Variants in CRPPA observed in about 807,000 individuals in gnomAD.
CRPPA encodes D-ribitol-5-phosphate cytidylyltransferase.
A neutral mutation model predicts 52.0 loss-of-function variants in CRPPA; 43 were observed. That is an observed-to-expected ratio of 0.83 (90% CI 0.65 to 1.07). CRPPA has a LOEUF of 1.07. CRPPA is among the 50% of genes least tolerant of loss of function. The pLI is 0.00. For synonymous variants in CRPPA, 250 were observed against 203.5 expected, an observed-to-expected ratio of 1.23 and a Z score of -1.94; for missense variants, 629 against 551.7, an observed-to-expected ratio of 1.14 and a Z score of -1.40.
chr7:16,137,248 T>G (rs1425265952), intron 9 of CRPPA, among the ~76,000 whole-genome samples: 2 of 152,236 alleles, frequency 1.3e-5, no homozygotes, highest in African/African-American at 4.8e-5. Flanking sequence ...CAGGAGCCAC[T>G]GTCTATGAAC....
At chr7:16,123,009 A>C (rs1782507634) in intron 9 of CRPPA, among the ~76,000 whole-genome samples, 2 of 152,070 alleles carry the variant, frequency 1.3e-5, no homozygotes. Context: ...GATTTGTTTA[A>C]AAGAATAGTA....
chr7:16,302,087 G>C (rs972997525), intron 4 of CRPPA, among the ~76,000 whole-genome samples: 3 of 152,064 alleles, frequency 2.0e-5, no homozygotes, highest in African/African-American at 7.2e-5. Flanking sequence ...ACGAGGTCAG[G>C]AGATCGAGAC....
intron 9 of CRPPA, among the ~76,000 whole-genome samples, chr7:16,158,436 T>G (rs890912257): frequency 2.0e-5 from 3 of 152,156 alleles, no homozygotes; most frequent in African/African-American, 7.2e-5. Context: ...CTAAATGGAA[T>G]ACAGTTACTT....
chr7:16,188,287 A>G (rs979275645), intron 9 of CRPPA, among the ~76,000 whole-genome samples: 1 of 152,058 alleles, frequency 6.6e-6, no homozygotes, highest in Non-Finnish European at 1.5e-5. Context: ...ACTTTGTCCT[A>G]TTTTATAGTC....
intron 8 of CRPPA, among the ~76,000 whole-genome samples, chr7:16,247,031 A>G (rs775087889): frequency 3.3e-5 from 5 of 152,250 alleles, no homozygotes; most frequent in Non-Finnish European, 7.3e-5. Context: ...TCTCATCTAC[A>G]TTGAAAAATC....
intron 8 of CRPPA, among the ~76,000 whole-genome samples, chr7:16,234,482 G>T (rs947294174): frequency 1.3e-5 from 2 of 152,014 alleles, no homozygotes; most frequent in Admixed American, 6.6e-5. Flanking sequence ...TTTTTTAATT[G>T]AATTCTACTA....
intron 3 of CRPPA, among the ~76,000 whole-genome samples, chr7:16,373,396 G>T (rs1007800764): frequency 2.0e-5 from 3 of 152,328 alleles, no homozygotes; most frequent in East Asian, 3.9e-4. Flanking sequence ...ACATTTATAT[G>T]CACAGCCTTT....
intron 5 of CRPPA, among the ~76,000 whole-genome samples, chr7:16,285,516 TAATG>T (rs924109413): frequency 6.6e-6 from 1 of 152,180 alleles, no homozygotes; most frequent in African/African-American, 2.4e-5. Flanking sequence ...CTCTGATTTA[TAATG>T]AATAACTCTT....
At chr7:16,400,344 G>A (rs529715973) in intron 2 of CRPPA, among the ~76,000 whole-genome samples, 1 of 152,300 alleles carries the variant, frequency 6.6e-6, no homozygotes, top group African/African-American at 2.4e-5. Flanking sequence ...ACACGTGATT[G>A]ACATGATTGA....
At chr7:16,395,215 T>TCAAA (rs1201685027) in intron 2 of CRPPA, among the ~76,000 whole-genome samples, 2 of 152,176 alleles carry the variant, frequency 1.3e-5, no homozygotes, top group African/African-American at 4.8e-5. Context: ...CAAGCTAATC[T>TCAAA]ATCACCATAT....
chr7:16,113,172 A>C (rs554339076), intron 9 of CRPPA, among the ~76,000 whole-genome samples: 183 of 152,164 alleles, frequency 1.2e-3, no homozygotes, highest in African/African-American at 4.3e-3. Context: ...TGTAAATGAA[A>C]AGCATTGTTG....
intron 9 of CRPPA, among the ~76,000 whole-genome samples, chr7:16,110,356 A>G (rs1019049165): frequency 2.0e-5 from 3 of 152,136 alleles, no homozygotes; most frequent in Non-Finnish European, 2.9e-5. Context: ...TACTCAGAGC[A>G]ATCTATAAAC....
In CRPPA at chr7:16,332,260, T is replaced by A. The variant is rs963586635; in HGVS notation, c.685-23633A>T. On this transcript the variant is annotated intron_variant, in intron 3 of 9. Transcript: ENST00000407010. ...TAAACATCTTATCAGACAAAAATTG[T>A]GGAAAATTGTTGCCAATAAACCTGC... 4.6e-5 allele frequency among the ~76,000 whole-genome samples: 7 copies of A among 152,144 alleles called. 1 individual carries two copies. Among genetic ancestry groups the A allele is most frequent in the Non-Finnish European group, 1.5e-5 (1 of 68,006 alleles).
intron 9 of CRPPA, among the ~76,000 whole-genome samples, chr7:16,110,171 A>G (rs1259756430): frequency 6.6e-6 from 1 of 152,094 alleles, no homozygotes; most frequent in Non-Finnish European, 1.5e-5. Context: ...TCAAGAGGAC[A>G]GTCACATTCA....
At chr7:16,181,214 GT>G (rs1356676515) in intron 9 of CRPPA, among the ~76,000 whole-genome samples, 1 of 151,782 alleles carries the variant, frequency 6.6e-6, no homozygotes, top group African/African-American at 2.4e-5. Flanking sequence ...CCACTGGAAT[GT>G]GATACAATGT....
At chr7:16,322,213 A>G (rs1435635815) in intron 3 of CRPPA, among the ~76,000 whole-genome samples, 1 of 152,194 alleles carries the variant, frequency 6.6e-6, no homozygotes, top group Non-Finnish European at 1.5e-5. Flanking sequence ...AGCTGGCACC[A>G]GGAGGCAAAG....
chr7:16,347,340 T>C (rs1403986546), intron 3 of CRPPA, among the ~76,000 whole-genome samples: 1 of 152,168 alleles, frequency 6.6e-6, no homozygotes, highest in East Asian at 1.9e-4. Context: ...TTAGTATCAG[T>C]AAGTATATCT....
At position 16,150,595 on chromosome 7, in the gene CRPPA, C is replaced by T. The variant is rs577379062; in HGVS notation, c.1252-58796G>A. Among the ~76,000 whole-genome samples, 3 of 152,100 alleles carry T rather than the reference C, an allele frequency of 2.0e-5. No homozygotes were observed. In the East Asian group the frequency reaches 5.8e-4, roughly 29 times the overall value. ...TATTTTTAGAATTAAAAAACACTAC[C>T]ACGATATAAGAAAAAATGAGTAAGA... On this transcript the variant is annotated intron_variant, in intron 9 of 9. Transcript: ENST00000407010.
rs79744809 is a variant in CRPPA at position 16,408,870 on chromosome 7, G to A, written c.258-2533C>T. Reference sequence around the variant, plus strand: ...TGACAGAAGCAGATGTCAGACTGATGCAGGGCCTCAAGCCAAAGAGCATGA... The same window carrying A: ...TGACAGAAGCAGATGTCAGACTGATACAGGGCCTCAAGCCAAAGAGCATGA... On this transcript the variant is annotated intron_variant, in intron 1 of 9. Transcript: ENST00000407010. Among the ~76,000 whole-genome samples, 1,036 of 152,320 alleles carry A rather than the reference G, an allele frequency of 6.8e-3. 12 individuals are homozygous for A. The highest frequency in any genetic ancestry group is 0.024 in the African/African-American group (1,003 of 41,568).
Sources: gnomAD v4.1 joint callset for allele counts (sites outside exome capture counted in the v4.1 genomes callset) on GRCh38, gnomAD v4.1.1 for gene constraint, MANE v1.5 for transcripts, NCBI Gene and HGNC (gene_info 2026-07-23, HGNC 2026-07-21) for gene names.